Variants in PCDHGA2 observed in about 807,000 individuals in gnomAD.
PCDHGA2 encodes protocadherin gamma subfamily A, 2.
Under a neutral mutation model 59.2 loss-of-function variants are expected in PCDHGA2, and 40 were observed. The observed-to-expected ratio is 0.68, with a 90% CI of 0.52 to 0.88. The LOEUF (loss-of-function observed/expected upper bound fraction) is 0.88, where lower values mean the gene tolerates loss of function less well. Among genes scored for constraint, PCDHGA2 ranks in the 40% least tolerant of loss-of-function variants. The pLI is 0.00. For synonymous variants in PCDHGA2, 560 were observed against 526.0 expected (o/e 1.06, Z -0.89); for missense variants, 1,226 against 1,204.0 (o/e 1.02, Z -0.27).
At chr5:141,359,254 A>C (rs1276865273) in intron 1 of PCDHGA2, among the ~76,000 whole-genome samples, 3 of 152,162 alleles carry the variant, frequency 2.0e-5, no homozygotes, top group Non-Finnish European at 4.4e-5. Flanking sequence ...TTAAGCCATA[A>C]AATATAATTT....
chr5:141,411,079 T>C (rs1178503371), intron 1 of PCDHGA2: 2 of 154,384 alleles, frequency 1.3e-5, no homozygotes, highest in African/African-American at 2.4e-5. Flanking sequence ...CAGAAACTCC[T>C]GTCCTCGTGA....
At chr5:141,468,739 G>A (rs1167211344) in intron 1 of PCDHGA2, among the ~76,000 whole-genome samples, 5 of 152,000 alleles carry the variant, frequency 3.3e-5, no homozygotes, top group African/African-American at 1.2e-4. Context: ...GGTGGCGGGT[G>A]CCTGTAGTCC....
At chr5:141,355,020 C>A in intron 1 of PCDHGA2, 1 of 892,726 alleles carries the variant, frequency 1.1e-6, no homozygotes, top group Non-Finnish European at 1.6e-6. Context: ...GAAATTTAAT[C>A]AGAATCACAA....
intron 1 of PCDHGA2, chr5:141,428,388 C>G (rs1299321513): frequency 4.0e-6 from 2 of 506,160 alleles, no homozygotes; most frequent in Non-Finnish European, 7.3e-6. Context: ...GCTCTTCCAG[C>G]CCCTCTGCCT....
chr5:141,500,207 T>G (rs932015076), intron 2 of PCDHGA2, among the ~76,000 whole-genome samples: 2 of 150,136 alleles, frequency 1.3e-5, no homozygotes, highest in African/African-American at 4.9e-5. Context: ...TTTATTTATT[T>G]ATTTATTTAT....
At chr5:141,456,148 C>T (rs1408257938) in intron 1 of PCDHGA2, among the ~76,000 whole-genome samples, 13 of 152,078 alleles carry the variant, frequency 8.5e-5, no homozygotes, top group African/African-American at 3.1e-4. Flanking sequence ...CCGCCCGCCT[C>T]GGCCTCCTAA....
At chr5:141,413,070 T>G (rs990993849) in intron 1 of PCDHGA2, 1 of 1,195,014 alleles carries the variant, frequency 8.4e-7, no homozygotes, top group African/African-American at 1.5e-5. Context: ...GAATTTAAAG[T>G]GCCCAGGCTA....
At chr5:141,426,423 G>T in intron 1 of PCDHGA2, 1 of 290,954 alleles carries the variant, frequency 3.4e-6, no homozygotes, top group Non-Finnish European at 6.8e-6. Context: ...AGGGCTCCGT[G>T]GTGGGGAACC....
rs112156044 is a variant in PCDHGA2, at chr5:141,476,771, G to C, written c.2425-18036G>C. ...CCAGTTAGTGCTGACGGCGTTGGAC[G>C]GAGGGACCCCAGCTCTCTCCGCCAG... On this transcript the variant is annotated intron_variant, in intron 1 of 3. Coordinates refer to ENST00000394576, the MANE Select transcript of PCDHGA2 (RefSeq NM_018915.4). The surrounding 1 kb of genome is among the most constrained non-coding windows in gnomAD (Gnocchi z 7.6). 1.1e-5 allele frequency: 18 copies of C among 1,613,700 alleles called. 1 individual carries two copies. In the South Asian group the frequency reaches 1.3e-4, roughly 12 times the overall value.
At chr5:141,345,837 G>T (rs1274183980) in intron 1 of PCDHGA2, 5 of 1,613,346 alleles carry the variant, frequency 3.1e-6, no homozygotes, top group African/African-American at 1.3e-5. Context: ...GGGCCAGAAC[G>T]CCTGGCTGTC....
In PCDHGA2 at chr5:141,340,196, G is replaced by A. The variant is rs968680709; in HGVS notation, c.1225G>A (p.Ala409Thr). ...DNYYRLVTTR[A>T]LDREQFSFYN... ...TTACTACCGACTGGTTACAACCAGA[G>A]CCCTTGACAGGGAACAGTTTTCCTT... The change falls in exon 1 of 4, where the codon GCC becomes ACC. Residue 409 changes from alanine (A) to threonine (T), a missense_variant. By Grantham distance (58) the Ala-to-Thr change is moderately conservative. Coordinates refer to ENST00000394576, the MANE Select transcript of PCDHGA2 (RefSeq NM_018915.4). The A allele has an allele frequency of 6.2e-7, 1 of 1,613,994 alleles. No individual in the cohort carries two copies. Among genetic ancestry groups the A allele is most frequent in the African/African-American group, 1.3e-5 (1 of 74,922 alleles).
intron 1 of PCDHGA2, chr5:141,398,937 C>G: frequency 6.2e-7 from 1 of 1,613,902 alleles, no homozygotes; most frequent in Non-Finnish European, 8.5e-7. Context: ...CTGACCAAGA[C>G]GAGGGCATCA....
In PCDHGA2 at chr5:141,405,166, A is replaced by G. The variant is rs1303146593; in HGVS notation, c.2424+63771A>G. The G allele has an allele frequency of 9.3e-6, 15 of 1,613,862 alleles. No individual in the cohort carries two copies. In the East Asian group the frequency reaches 3.3e-4, roughly 36 times the overall value. On this transcript the variant is annotated intron_variant, in intron 1 of 3. Coordinates refer to ENST00000394576, the MANE Select transcript of PCDHGA2 (RefSeq NM_018915.4). Reference sequence around the variant, plus strand: ...ATGGGTTGGCTGGTGTGCCCACCTCACACTTTGTGGGTGTAGATGGGGTTC... The same window carrying G: ...ATGGGTTGGCTGGTGTGCCCACCTCGCACTTTGTGGGTGTAGATGGGGTTC...
chr5:141,416,101 C>CT (rs34144584), intron 1 of PCDHGA2: 1 of 158,972 alleles, frequency 6.3e-6, no homozygotes, highest in Non-Finnish European at 1.4e-5. Context: ...GGCAATAGGC[C>CT]TTTTTCAAAC....
At chr5:141,375,208 C>G in intron 1 of PCDHGA2, 2 of 1,613,958 alleles carry the variant, frequency 1.2e-6, no homozygotes, top group Non-Finnish European at 8.5e-7. Flanking sequence ...TCGATCGAGA[C>G]TCTGGCCTGA....
chr5:141,399,412 T>C (rs1473017519), intron 1 of PCDHGA2: 3 of 1,613,948 alleles, frequency 1.9e-6, no homozygotes, highest in East Asian at 4.5e-5. Context: ...GCCGCCCCTC[T>C]CCTCCAGCAT....
chr5:141,457,471 C>T (rs1478580665), intron 1 of PCDHGA2, among the ~76,000 whole-genome samples: 1 of 152,182 alleles, frequency 6.6e-6, no homozygotes, highest in African/African-American at 2.4e-5. Context: ...CAGGAATAAG[C>T]AGGGCCAGGG....
chr5:141,483,648 T>TTGTGTGTGTGTG (rs111458813), intron 1 of PCDHGA2, among the ~76,000 whole-genome samples: 51 of 149,708 alleles, frequency 3.4e-4, no homozygotes, highest in African/African-American at 1.2e-3. Context: ...GGGTGTGTGT[T>TTGTGTGTGTGTG]TGTGTGTGTG....
At chr5:141,499,698 T>C (rs1312388510) in intron 2 of PCDHGA2, among the ~76,000 whole-genome samples, 2 of 149,810 alleles carry the variant, frequency 1.3e-5, no homozygotes, top group African/African-American at 2.5e-5. Context: ...ACTTTTTTTT[T>C]TTTTTTTTTT....
Sources: allele counts gnomAD v4.1 joint callset (sites outside exome capture counted in the v4.1 genomes callset), GRCh38; gene constraint gnomAD v4.1.1; non-coding constraint Gnocchi (gnomAD v3.1); transcripts MANE v1.5; gene names NCBI Gene and HGNC (gene_info 2026-07-23, HGNC 2026-07-21).